FARS2: variants seen among roughly 807,000 people sequenced by gnomAD.
FARS2 encodes phenylalanine--tRNA ligase, mitochondrial.
In FARS2, 40 loss-of-function variants were observed where a neutral mutation model predicts 46.4. That is an observed-to-expected ratio of 0.86 (90% CI 0.67 to 1.12). The LOEUF is 1.12. FARS2 is among the 50% of genes most tolerant of loss of function. The pLI is 0.00. For missense variants in FARS2, 513 were observed against 567.9 expected (o/e 0.90, Z 0.98); for synonymous variants, 234 against 214.9 (o/e 1.09, Z -0.78).
At chr6:5,746,543 A>G (rs767652178) in intron 6 of FARS2, among the ~76,000 whole-genome samples, 1 of 151,446 alleles carries the variant, frequency 6.6e-6, no homozygotes, top group Non-Finnish European at 1.5e-5. Context: ...TGCAAGCAGC[A>G]TCTCCTTGGG....
At chr6:5,489,560 A>G (rs897778582) in intron 4 of FARS2, among the ~76,000 whole-genome samples, 1 of 152,194 alleles carries the variant, frequency 6.6e-6, no homozygotes, top group African/African-American at 2.4e-5. Context: ...ATTCTCTTTC[A>G]TCTCCAGTCA....
chr6:5,525,267 T>TTTTTTTTTTTGA (rs1769391877), intron 4 of FARS2, among the ~76,000 whole-genome samples: 4 of 150,084 alleles, frequency 2.7e-5, no homozygotes, highest in African/African-American at 9.8e-5. Context: ...ATATTATTAG[T>TTTTTTTTTTTGA]GACTTATTGT....
chr6:5,422,256 C>A (rs935192017), intron 3 of FARS2, among the ~76,000 whole-genome samples: 1 of 152,224 alleles, frequency 6.6e-6, no homozygotes, highest in Non-Finnish European at 1.5e-5. Flanking sequence ...TTACCTCCCA[C>A]TGGGCCCCTT....
At chr6:5,392,955 CAT>C (rs1437051663) in intron 2 of FARS2, among the ~76,000 whole-genome samples, 22 of 112,816 alleles carry the variant, frequency 2.0e-4, no homozygotes, top group South Asian at 8.4e-4. Context: ...TATATATACA[CAT>C]AAAATATATT....
intron 5 of FARS2, among the ~76,000 whole-genome samples, chr6:5,560,249 C>G (rs948392254): frequency 6.6e-6 from 1 of 152,096 alleles, no homozygotes; most frequent in African/African-American, 2.4e-5. Flanking sequence ...TTTCCTTCTA[C>G]TTTGAGTTTG....
intron 4 of FARS2, among the ~76,000 whole-genome samples, chr6:5,539,909 T>C (rs1770514041): frequency 6.6e-6 from 1 of 152,162 alleles, no homozygotes; most frequent in Admixed American, 6.5e-5. Context: ...GTGCTCCCTC[T>C]GCTCCGTCTC....
chr6:5,749,811 G>A (rs561627254), intron 6 of FARS2, among the ~76,000 whole-genome samples: 1 of 152,206 alleles, frequency 6.6e-6, no homozygotes, highest in East Asian at 1.9e-4. Flanking sequence ...CACTAGGGAA[G>A]GCATGCATGT....
intron 1 of FARS2, among the ~76,000 whole-genome samples, chr6:5,315,960 C>T (rs149622630): frequency 3.7e-4 from 56 of 152,330 alleles, no homozygotes; most frequent in African/African-American, 8.2e-4. Context: ...GGGAGAAGCA[C>T]GTAGTGCTGA....
the FARS2 span, among the ~76,000 whole-genome samples, chr6:5,255,610 C>T: frequency 6.6e-6 from 1 of 152,122 alleles, no homozygotes; most frequent in Non-Finnish European, 1.5e-5. Context: ...TGAAGAACCA[C>T]ATTCTTAAAC....
chr6:5,595,670 G>A lies in FARS2; in HGVS notation c.1066-17499G>A, dbSNP rs552220331. 3.9e-5 allele frequency among the ~76,000 whole-genome samples: 6 copies of A among 152,328 alleles called. No individual in the cohort carries two copies. In the South Asian group the frequency reaches 1.2e-3, roughly 32 times the overall value. On this transcript the variant is annotated intron_variant, in intron 5 of 6. Coordinates refer to ENST00000274680, the MANE Select transcript of FARS2 (RefSeq NM_006567.5). ...GATGGTCATTGCCACAGCTTGAGGAGGTGGGAGAAGCAGATGGATCTGAAC... is the reference window on the plus strand; with the variant it reads ...GATGGTCATTGCCACAGCTTGAGGAAGTGGGAGAAGCAGATGGATCTGAAC...
chr6:5,383,602 C>T (rs531137056), intron 2 of FARS2, among the ~76,000 whole-genome samples: 12 of 152,310 alleles, frequency 7.9e-5, no homozygotes, highest in African/African-American at 2.9e-4. Flanking sequence ...ACGCTCCTGA[C>T]ATTAGGAGGT....
chr6:5,557,810 A>G (rs1422739874), intron 5 of FARS2, among the ~76,000 whole-genome samples: 2 of 152,132 alleles, frequency 1.3e-5, no homozygotes, highest in Non-Finnish European at 2.9e-5. Flanking sequence ...TTCCTTTTGC[A>G]TAGAACTGGC....
intron 4 of FARS2, 22 bp downstream of exon 4, chr6:5,431,194 T>C: frequency 6.2e-7 from 1 of 1,612,610 alleles, no homozygotes. Flanking sequence ...TCCCACATTT[T>C]ATTTACACGT....
intron 6 of FARS2, among the ~76,000 whole-genome samples, chr6:5,668,363 A>T (rs1157144925): frequency 6.6e-6 from 1 of 152,190 alleles, no homozygotes; most frequent in Admixed American, 6.5e-5. Context: ...TACTATACCA[A>T]TTCAAGCTCG....
chr6:5,744,034 C>T (rs1413155335), intron 6 of FARS2, among the ~76,000 whole-genome samples: 1 of 152,204 alleles, frequency 6.6e-6, no homozygotes, highest in Non-Finnish European at 1.5e-5. Flanking sequence ...AGTCAGTGCA[C>T]ACTACTTCCT....
chr6:5,558,125 ATTAG>A (rs1371122059), intron 5 of FARS2, among the ~76,000 whole-genome samples: 1 of 152,178 alleles, frequency 6.6e-6, no homozygotes. Flanking sequence ...AGTAAGAATA[ATTAG>A]TTAAGAAAGG....
intron 1 of FARS2, 26 bp from the exon 2 acceptor site, chr6:5,368,524 G>A (rs1758822119): frequency 1.3e-6 from 2 of 1,558,570 alleles, no homozygotes; most frequent in Non-Finnish European, 1.7e-6. Context: ...CACCTGACTT[G>A]TGCTTTGCCT....
intron 5 of FARS2, among the ~76,000 whole-genome samples, chr6:5,578,835 A>G (rs10900973): frequency 0.07 from 627 of 8,960 alleles, 7 homozygotes; most frequent in African/African-American, 0.13. Context: ...AAAAAAAAAC[A>G]AAAAAAAAAG....
intron 5 of FARS2, among the ~76,000 whole-genome samples, chr6:5,591,431 T>G (rs1323301196): frequency 3.9e-5 from 6 of 152,214 alleles, no homozygotes; most frequent in African/African-American, 1.2e-4. Flanking sequence ...TCTGTTGGAT[T>G]CTGTGGGGAA....
Sources: gnomAD v4.1 joint callset for allele counts (sites outside exome capture counted in the v4.1 genomes callset) on GRCh38, gnomAD v4.1.1 for gene constraint, MANE v1.5 for transcripts, NCBI Gene and HGNC (gene_info 2026-07-23, HGNC 2026-07-21) for gene names.